Variants in CSMD1 observed in about 807,000 individuals in gnomAD.
CSMD1 encodes the protein CUB and sushi domain-containing protein 1.
CSMD1 carries 213 observed loss-of-function variants against 417.5 expected under a neutral mutation model. The ratio of observed to expected loss-of-function variants is 0.51; its 90% CI spans 0.46 to 0.57. The LOEUF (loss-of-function observed/expected upper bound fraction) is 0.57, where lower values mean the gene tolerates loss of function less well. Among genes scored for constraint, CSMD1 ranks in the 20% least tolerant of loss-of-function variants. CSMD1 has a pLI of 0.00. For missense variants in CSMD1, 6,923 were observed against 4,529.7 expected (o/e 1.53, Z -15.17); for synonymous variants, 2,862 against 1,736.8 (o/e 1.65, Z -16.11).
chr8:4,411,288 C>G (rs1796638230), intron 3 of CSMD1, among the ~76,000 whole-genome samples: 3 of 151,818 alleles, frequency 2.0e-5, no homozygotes, highest in Admixed American at 6.6e-5. Flanking sequence ...GTTAACTTGC[C>G]CTTTACTATA....
chr8:3,439,309 A>ATATATTTTTTTTT, intron 12 of CSMD1, among the ~76,000 whole-genome samples: 3 of 62,458 alleles, frequency 4.8e-5, no homozygotes, highest in African/African-American at 1.3e-4. Context: ...ATATATATAT[A>ATATATTTTTTTTT]TTTTTTTTTT....
intron 1 of CSMD1, among the ~76,000 whole-genome samples, chr8:4,966,019 T>C (rs1251967046): frequency 6.6e-6 from 1 of 152,032 alleles, no homozygotes; most frequent in African/African-American, 2.4e-5. Flanking sequence ...GGATACTTTA[T>C]GATATGCAAG....
intron 3 of CSMD1, among the ~76,000 whole-genome samples, chr8:4,259,928 T>C (rs1209924703): frequency 6.6e-6 from 1 of 152,212 alleles, no homozygotes; most frequent in African/African-American, 2.4e-5. Flanking sequence ...TACTACAAAA[T>C]TATATCCATT....
At position 3,142,456 on chromosome 8, in the gene CSMD1, G is replaced by T. The variant is rs1188093443; in HGVS notation, c.6241+9C>A. ...GATTTGGGTTTCGGTTCTCGTTGTT[G>T]TTCCATACCTTGGTAAGCAAGTTTA... On this transcript the variant is annotated intron_variant, in intron 41 of 69. Transcript: ENST00000635120. The T allele has an allele frequency of 6.2e-7, 1 of 1,609,230 alleles. No homozygotes were observed. The highest frequency in any genetic ancestry group is 2.2e-5 in the East Asian group (1 of 44,826).
chr8:4,017,805 G>C (rs1050065496), intron 4 of CSMD1, among the ~76,000 whole-genome samples: 1 of 152,108 alleles, frequency 6.6e-6, no homozygotes, highest in Non-Finnish European at 1.5e-5. Flanking sequence ...ATTTGGAAAA[G>C]ATAACATTTC....
chr8:4,222,138 C>T (rs920706861), intron 3 of CSMD1, among the ~76,000 whole-genome samples: 1 of 151,878 alleles, frequency 6.6e-6, no homozygotes, highest in Non-Finnish European at 1.5e-5. Context: ...TAGAAGAGAA[C>T]CTTCACAGAG....
intron 3 of CSMD1, among the ~76,000 whole-genome samples, chr8:4,410,238 T>C (rs905184559): frequency 3.3e-5 from 5 of 152,218 alleles, no homozygotes; most frequent in African/African-American, 1.2e-4. Flanking sequence ...GTAAGCCTCA[T>C]GCCAACTCTC....
In CSMD1 at chr8:3,304,304, T is replaced by TAAA. The variant is rs555809617; in HGVS notation, c.3950+3388_3950+3390dup. 3.5e-4 allele frequency among the ~76,000 whole-genome samples: 54 copies of TAAA among 152,236 alleles called. No homozygotes were observed. The South Asian group carries it at 0.01, about 29-fold the overall frequency. Reference sequence around the variant, plus strand: ...AATACAGACTATGTTACCATTGAAATAAATAAGACTTAGTAACCATGCAAG... The same window carrying TAAA: ...AATACAGACTATGTTACCATTGAAATAAAAAATAAGACTTAGTAACCATGCAAG... On this transcript the variant is annotated intron_variant, in intron 25 of 69. Coordinates refer to ENST00000635120, the MANE Select transcript of CSMD1 (RefSeq NM_033225.6).
At chr8:4,336,806 A>T (rs544933862) in intron 3 of CSMD1, among the ~76,000 whole-genome samples, 7 of 152,234 alleles carry the variant, frequency 4.6e-5, no homozygotes, top group Admixed American at 3.9e-4. Flanking sequence ...GATGAAAGGC[A>T]GGCTCTCAGT....
At chr8:3,548,659 T>TACACACAC (rs146360407) in intron 10 of CSMD1, among the ~76,000 whole-genome samples, 4,936 of 133,044 alleles carry the variant, frequency 0.037, 121 homozygotes, top group African/African-American at 0.038. Context: ...TATTCCATCA[T>TACACACAC]ACACACACAC....
chr8:3,343,300 A>G lies in CSMD1; in HGVS notation c.3625T>C (p.Tyr1209His). The G allele has an allele frequency of 6.2e-7, 1 of 1,613,140 alleles. No individual in the cohort carries two copies. The change falls in exon 23 of 70, where the codon TAT becomes CAT. Residue 1209 changes from tyrosine to histidine, a missense_variant. By Grantham distance (83) the Tyr-to-His change is moderately conservative. Transcript: ENST00000635120. Reference protein sequence around the residue: ...SDTDQGFQLTYTSFDLVKCED... With the variant: ...SDTDQGFQLTHTSFDLVKCED... ...TAAGTCGTATGTTACTTACTGGTAT[A>G]GGTGAGTTGAAAACCTTGGTCGGTG...
chr8:4,916,242 T>C (rs745425150), intron 1 of CSMD1, among the ~76,000 whole-genome samples: 1 of 152,052 alleles, frequency 6.6e-6, no homozygotes, highest in Non-Finnish European at 1.5e-5. Flanking sequence ...CTAAATAGAA[T>C]TTCGGCACAC....
intron 12 of CSMD1, among the ~76,000 whole-genome samples, chr8:3,456,871 A>G (rs997348150): frequency 2.6e-5 from 4 of 152,070 alleles, no homozygotes; most frequent in African/African-American, 4.8e-5. Context: ...TCTCTTGGCT[A>G]AGCTCTAGCA....
rs764071937 is a variant in CSMD1 at position 2,962,563 on chromosome 8, G to C, written c.9531C>G (p.Val3177=). 2.3e-5 allele frequency: 37 copies of C among 1,613,792 alleles called. 2 individuals carry two copies. The highest frequency in any genetic ancestry group is 1.6e-4 in the Middle Eastern group (1 of 6,084). Residue 3177 remains valine, a synonymous_variant, in exon 61 of 70, where the codon GTC becomes GTG. Transcript: ENST00000635120. ...SGKSFTYKSE[V]FFQCKSPFIL... ...TAAATGGAGATTTGCACTGGAAGAA[G>C]ACTTCGGACTTATAGGTGAAACTTT...
chr8:4,006,553 A>C (rs1235368570), intron 4 of CSMD1, among the ~76,000 whole-genome samples: 4 of 152,152 alleles, frequency 2.6e-5, no homozygotes, highest in African/African-American at 7.2e-5. Context: ...AGAATAAATA[A>C]ATAAATAAAT....
At chr8:2,955,897 C>T in intron 63 of CSMD1, 129 bp from the exon 64 acceptor site, 3 of 604,610 alleles carry the variant, frequency 5.0e-6, no homozygotes, top group East Asian at 6.1e-5. Flanking sequence ...CATATATATA[C>T]ACATATATAT....
intron 3 of CSMD1, among the ~76,000 whole-genome samples, chr8:4,286,168 G>C (rs1237567196): frequency 1.3e-5 from 2 of 151,940 alleles, no homozygotes; most frequent in Non-Finnish European, 2.9e-5. Flanking sequence ...ATAAACAAAA[G>C]TCAAGAGGAG....
At chr8:4,496,899 A>G (rs1802005278) in intron 2 of CSMD1, among the ~76,000 whole-genome samples, 1 of 152,282 alleles carries the variant, frequency 6.6e-6, no homozygotes, top group Admixed American at 6.5e-5. Context: ...AGACCATTTA[A>G]TGCTTGTTTT....
chr8:3,701,889 G>A (rs1800890692), intron 7 of CSMD1, among the ~76,000 whole-genome samples: 2 of 152,186 alleles, frequency 1.3e-5, no homozygotes, highest in African/African-American at 2.4e-5. Context: ...TCGTTATGAA[G>A]GACAAGAGTC....
Sources: gnomAD v4.1 joint callset for allele counts (sites outside exome capture counted in the v4.1 genomes callset) on GRCh38, gnomAD v4.1.1 for gene constraint, MANE v1.5 for transcripts, NCBI Gene and HGNC (gene_info 2026-07-23, HGNC 2026-07-21) for gene names.